The following CDKN2B-AS1 variants were observed in gnomAD, a reference collection of about 807,000 sequenced individuals.
CDKN2B-AS1 encodes CDKN2B antisense RNA 1 (non-protein coding).
chr9:22,004,542 A>T, intron 1 of CDKN2B-AS1: 1 of 232,438 alleles, frequency 4.3e-6, no homozygotes, highest in Non-Finnish European at 8.5e-6. Flanking sequence ...GTATTTTTAA[A>T]CCAAATTACC....
chr9:22,059,677 T>A (rs945944526), intron 4 of CDKN2B-AS1, among the ~76,000 whole-genome samples: 2 of 152,258 alleles, frequency 1.3e-5, no homozygotes, highest in Non-Finnish European at 2.9e-5. Context: ...GTGGGGGCTC[T>A]AACCCCACAT....
rs149047310 is a variant in CDKN2B-AS1 at position 21,999,423 on chromosome 9, T to C, written n.29+4262T>C. Among the ~76,000 whole-genome samples, 3 of 152,018 alleles carry C rather than the reference T, an allele frequency of 2.0e-5. No individual in the cohort carries two copies. Among genetic ancestry groups the C allele is most frequent in the Admixed American group, 1.3e-4 (2 of 15,272 alleles). On this transcript the variant is annotated intron_variant and non_coding_transcript_variant, in intron 1 of 4. Transcript: ENST00000650946. The surrounding 1 kb of genome is among the most constrained non-coding windows in gnomAD (Gnocchi z 4.7). ...TAACTCATGTATGTAACATATATAA[T>C]ACATATCTTTATATACACATATGTA...
At chr9:22,091,501 A>G (rs200233530) in intron 4 of CDKN2B-AS1, among the ~76,000 whole-genome samples, 1 of 152,030 alleles carries the variant, frequency 6.6e-6, no homozygotes, top group African/African-American at 2.4e-5. Flanking sequence ...CTTTTATTTC[A>G]TTGAGCAGTG....
intron 4 of CDKN2B-AS1, among the ~76,000 whole-genome samples, chr9:22,070,387 A>G (rs916633617): frequency 6.6e-6 from 1 of 152,236 alleles, no homozygotes; most frequent in Admixed American, 6.5e-5. Context: ...TCCAAATGTC[A>G]GTAGTCCTTG....
chr9:22,039,602 A>C lies in CDKN2B-AS1; in HGVS notation n.30-7149A>C, dbSNP rs150047066. Reference sequence around the variant, plus strand: ...TACAGATTACCACAATCAAAGTAGAATGGCAGCTTATAGTAGTTATTTGGA... The same window carrying C: ...TACAGATTACCACAATCAAAGTAGACTGGCAGCTTATAGTAGTTATTTGGA... On this transcript the variant is annotated intron_variant and non_coding_transcript_variant, in intron 1 of 4. Coordinates refer to ENST00000650946, the Ensembl canonical transcript of CDKN2B-AS1. The surrounding 1 kb of genome is among the most constrained non-coding windows in gnomAD (Gnocchi z 4.4). 2.3e-3 allele frequency among the ~76,000 whole-genome samples: 344 copies of C among 152,154 alleles called. 2 individuals carry two copies. The highest frequency in any genetic ancestry group is 0.02 in the Middle Eastern group (6 of 294).
rs375027524 is a variant in CDKN2B-AS1 at position 22,018,441 on chromosome 9, T to C, written n.29+23280T>C. On this transcript the variant is annotated intron_variant and non_coding_transcript_variant, in intron 1 of 4. Coordinates refer to ENST00000650946, the Ensembl canonical transcript of CDKN2B-AS1. The stretch of plus-strand genomic sequence containing the variant: ...GGGAGGCCGAGGCGGGTGGATCACC[T>C]GAGGTCAGCAGTTCAGACCAGCCTG... Among the ~76,000 whole-genome samples, 7 of 152,174 alleles carry C rather than the reference T, an allele frequency of 4.6e-5. No individual in the cohort carries two copies. The East Asian group carries it at 9.7e-4, about 21-fold the overall frequency.
intron 4 of CDKN2B-AS1, chr9:22,077,835 A>G (rs933203259): frequency 6.6e-6 from 1 of 152,190 alleles, no homozygotes; most frequent in Non-Finnish European, 1.5e-5. Flanking sequence ...CTGCTTCTCT[A>G]TCTTGTTGGG....
Position 21,999,568 on chromosome 9 carries a change from A to G in CDKN2B-AS1, n.29+4407A>G, listed in dbSNP as rs1224223922. 6.6e-6 allele frequency among the ~76,000 whole-genome samples: 1 copy of G among 152,136 alleles called. No homozygotes were observed. Among genetic ancestry groups the G allele is most frequent in the African/African-American group, 2.4e-5 (1 of 41,440 alleles). On this transcript the variant is annotated intron_variant and non_coding_transcript_variant, in intron 1 of 4. Coordinates refer to ENST00000650946, the Ensembl canonical transcript of CDKN2B-AS1. This position sits in a 1 kb window ranked among gnomAD's most constrained non-coding sequence, Gnocchi z 4.7. ...ATATATGGATAGATTTTACACCTAC[A>G]GACACATTTAGATATGTAACTTCAG...
At chr9:22,065,344 G>C (rs762059329) in intron 4 of CDKN2B-AS1, among the ~76,000 whole-genome samples, 11 of 152,182 alleles carry the variant, frequency 7.2e-5, no homozygotes, top group Non-Finnish European at 1.5e-4. Flanking sequence ...AAGATTGCCA[G>C]CCTGGTCTAG....
intron 1 of CDKN2B-AS1, among the ~76,000 whole-genome samples, chr9:22,013,520 A>C (rs1389862026): frequency 6.6e-6 from 1 of 151,928 alleles, no homozygotes; most frequent in East Asian, 1.9e-4. Flanking sequence ...ACTGTGAGCA[A>C]GGGTCACTGC....
At chr9:22,008,354 C>CA (rs1198709208) in intron 1 of CDKN2B-AS1, among the ~76,000 whole-genome samples, 29 of 152,282 alleles carry the variant, frequency 1.9e-4, no homozygotes. Flanking sequence ...AACAATACAA[C>CA]AGATTTCATA....
chr9:22,091,887 C>T (rs1360691317), intron 4 of CDKN2B-AS1, among the ~76,000 whole-genome samples: 2 of 152,146 alleles, frequency 1.3e-5, no homozygotes, highest in African/African-American at 4.8e-5. Flanking sequence ...GAGAGGGCAT[C>T]CCTGTCTTGT....
chr9:22,122,978 G>A (rs932152107), intron 4 of CDKN2B-AS1, among the ~76,000 whole-genome samples: 1 of 151,946 alleles, frequency 6.6e-6, no homozygotes. Context: ...TCTATAGGTT[G>A]CTTTGGGCAG....
intron 1 of CDKN2B-AS1, among the ~76,000 whole-genome samples, chr9:22,025,667 A>G (rs182566729): frequency 2.0e-5 from 3 of 152,220 alleles, no homozygotes; most frequent in Admixed American, 6.5e-5. Flanking sequence ...GAAAGCTGCG[A>G]AACAGCAAAG....
At position 22,093,084 on chromosome 9, in the gene CDKN2B-AS1, C is replaced by T. The variant is rs1284294413; in HGVS notation, n.439-34019C>T. Reference sequence around the variant, plus strand: ...TTCTGCCTTCATTTTGTTATGTACCCAGTAGTCATTCAGGAGTGGGTAGTT... The same window carrying T: ...TTCTGCCTTCATTTTGTTATGTACCTAGTAGTCATTCAGGAGTGGGTAGTT... On this transcript the variant is annotated intron_variant and non_coding_transcript_variant, in intron 4 of 4. Coordinates refer to ENST00000650946, the Ensembl canonical transcript of CDKN2B-AS1. Among the ~76,000 whole-genome samples the T allele has an allele frequency of 5.9e-5, 9 of 151,706 alleles. No individual in the cohort carries two copies. In the South Asian group the frequency reaches 6.3e-4, roughly 11 times the overall value.
chr9:22,048,182 C>G (rs971450820), intron 2 of CDKN2B-AS1, among the ~76,000 whole-genome samples: 3 of 152,158 alleles, frequency 2.0e-5, no homozygotes, highest in African/African-American at 7.2e-5. Context: ...CTTTTCAACA[C>G]TGTCATCCTG....
At chr9:22,070,190 T>C (rs1415112748) in intron 4 of CDKN2B-AS1, among the ~76,000 whole-genome samples, 1 of 152,132 alleles carries the variant, frequency 6.6e-6, no homozygotes, top group Non-Finnish European at 1.5e-5. Context: ...TAAATTGTGT[T>C]TTAGATGACA....
intron 1 of CDKN2B-AS1, chr9:22,008,701 A>C: frequency 6.2e-7 from 1 of 1,611,382 alleles, no homozygotes; most frequent in Non-Finnish European, 8.5e-7. Flanking sequence ...CTCCTGTACA[A>C]ATCTACATCG....
intron 4 of CDKN2B-AS1, among the ~76,000 whole-genome samples, chr9:22,064,302 A>C (rs1381646029): frequency 6.6e-6 from 1 of 152,186 alleles, no homozygotes; most frequent in South Asian, 2.1e-4. Context: ...TGGTGGTCCT[A>C]AAGTGGCATT....
Sources: gnomAD v4.1 joint callset for allele counts (sites outside exome capture counted in the v4.1 genomes callset) on GRCh38, gnomAD v4.1.1 for gene constraint, Gnocchi (gnomAD v3.1) non-coding constraint, MANE v1.5 for transcripts, NCBI Gene and HGNC (gene_info 2026-07-23, HGNC 2026-07-21) for gene names.